CASP5: variants seen among roughly 807,000 people sequenced by gnomAD.
CASP5 encodes the protein caspase 5.
CASP5 carries 42 observed loss-of-function variants against 45.2 expected under a neutral mutation model. The observed-to-expected ratio is 0.93, with a 90% CI of 0.73 to 1.20. The LOEUF (loss-of-function observed/expected upper bound fraction) is 1.20. Ranked by LOEUF, CASP5 falls within the 50% of genes most tolerant of loss-of-function variation. The pLI, the probability that CASP5 is intolerant of heterozygous loss-of-function variation, is 0.00. For synonymous variants in CASP5, 209 were observed against 186.2 expected (o/e 1.12, Z -1.00); for missense variants, 512 against 532.2 (o/e 0.96, Z 0.37).
intron 1 of CASP5, among the ~76,000 whole-genome samples, chr11:105,021,140 C>A (rs1862936645): frequency 6.6e-6 from 1 of 151,720 alleles, no homozygotes; most frequent in Non-Finnish European, 1.5e-5. Context: ...CTTCCTTACA[C>A]CTTATACAAA....
intron 6 of CASP5, among the ~76,000 whole-genome samples, chr11:104,999,783 GGA>G (rs1459999855): frequency 6.6e-6 from 1 of 152,092 alleles, no homozygotes; most frequent in Non-Finnish European, 1.5e-5. Flanking sequence ...ATAAAAAGAG[GGA>G]GAGAGAAGAT....
At chr11:105,018,946 A>G (rs1328880075) in intron 1 of CASP5, among the ~76,000 whole-genome samples, 1 of 150,986 alleles carries the variant, frequency 6.6e-6, no homozygotes, top group African/African-American at 2.4e-5. Flanking sequence ...AGAAATTATA[A>G]CAAACTATCT....
chr11:105,022,331 A>T (rs55851817), intron 1 of CASP5, among the ~76,000 whole-genome samples: 8,654 of 151,946 alleles, frequency 0.057, 244 homozygotes, highest in African/African-American at 0.064. Context: ...AAATAAATTA[A>T]AGAAAAAAAA....
chr11:105,005,744 T>C (rs926767730), intron 3 of CASP5, among the ~76,000 whole-genome samples: 1 of 152,184 alleles, frequency 6.6e-6, no homozygotes, highest in Non-Finnish European at 1.5e-5. Flanking sequence ...ATATCTGGGA[T>C]TGCTAAAATC....
At chr11:104,998,398 T>G (rs1224895457) in intron 7 of CASP5, among the ~76,000 whole-genome samples, 11 of 152,176 alleles carry the variant, frequency 7.2e-5, no homozygotes, top group African/African-American at 1.4e-4. Context: ...ACCCTAACAT[T>G]TCTTACCTTT....
At chr11:105,015,250 C>T (rs1862531150) in intron 1 of CASP5, among the ~76,000 whole-genome samples, 1 of 152,140 alleles carries the variant, frequency 6.6e-6, no homozygotes, top group Non-Finnish European at 1.5e-5. Context: ...AGACACCTTC[C>T]TCAACTATAA....
At chr11:105,003,004 C>G (rs926217137) in intron 4 of CASP5, among the ~76,000 whole-genome samples, 3 of 150,890 alleles carry the variant, frequency 2.0e-5, no homozygotes, top group Admixed American at 1.3e-4. Flanking sequence ...GGAGAACAGA[C>G]TGGACAACAT....
intron 4 of CASP5, among the ~76,000 whole-genome samples, chr11:105,002,650 C>G (rs1043705910): frequency 6.6e-6 from 1 of 152,244 alleles, no homozygotes; most frequent in East Asian, 1.9e-4. Flanking sequence ...TATGTCTAGG[C>G]TTTTCAACTG....
intron 1 of CASP5, among the ~76,000 whole-genome samples, chr11:105,022,314 A>T (rs1205571451): frequency 2.0e-5 from 3 of 151,962 alleles, no homozygotes; most frequent in African/African-American, 7.2e-5. Context: ...GTATAATAAT[A>T]ATAAATAAAT....
chr11:104,996,093 T>G (rs1861459338), intron 8 of CASP5, among the ~76,000 whole-genome samples: 1 of 152,212 alleles, frequency 6.6e-6, no homozygotes, highest in Non-Finnish European at 1.5e-5. Context: ...TTTCTCTATT[T>G]TCCATTTTTG....
chr11:104,995,651 A>AAAGAACAC (rs1169464563), intron 9 of CASP5, 89 bp downstream of exon 9: 6 of 779,382 alleles, frequency 7.7e-6, no homozygotes, highest in Non-Finnish European at 1.3e-5. Context: ...ACTTGACCAT[A>AAAGAACAC]TAAGCAGTCA....
intron 1 of CASP5, among the ~76,000 whole-genome samples, chr11:105,017,359 G>A (rs138083941): frequency 0.057 from 8,691 of 152,208 alleles, 245 homozygotes; most frequent in African/African-American, 0.064. Flanking sequence ...AAATTACTCC[G>A]AGCTACGGGA....
chr11:104,996,913 C>A (rs1271257836), intron 8 of CASP5, among the ~76,000 whole-genome samples: 1 of 152,026 alleles, frequency 6.6e-6, no homozygotes, highest in African/African-American at 2.4e-5. Flanking sequence ...CTGTTACATG[C>A]CTTTATGAAT....
chr11:105,018,524 A>T (rs939651629), intron 1 of CASP5, among the ~76,000 whole-genome samples: 6 of 148,482 alleles, frequency 4.0e-5, no homozygotes, highest in Non-Finnish European at 7.5e-5. Context: ...GATAAAACAG[A>T]CTTTAAACCA....
chr11:104,995,595 A>G (rs1861425072), intron 9 of CASP5, 145 bp downstream of exon 9: 4 of 515,674 alleles, frequency 7.8e-6, no homozygotes, highest in Non-Finnish European at 1.4e-5. Flanking sequence ...GTAGAATAAA[A>G]AAGAGCAAAT....
intron 1 of CASP5, among the ~76,000 whole-genome samples, chr11:105,016,908 C>T (rs1401081889): frequency 6.6e-6 from 1 of 151,652 alleles, no homozygotes; most frequent in East Asian, 1.9e-4. Flanking sequence ...ATGTCCCTGT[C>T]TGACAGCTTT....
chr11:105,005,536 C>T (rs747788167), intron 3 of CASP5, among the ~76,000 whole-genome samples: 6 of 152,088 alleles, frequency 3.9e-5, no homozygotes, highest in Non-Finnish European at 5.9e-5. Context: ...ATAGCCCAGC[C>T]CACCCAGCTT....
intron 8 of CASP5, among the ~76,000 whole-genome samples, chr11:104,996,141 A>T (rs1006135438): frequency 6.6e-6 from 1 of 152,130 alleles, no homozygotes; most frequent in Non-Finnish European, 1.5e-5. Context: ...ATCCTTTGGG[A>T]TATGCTCATG....
intron 7 of CASP5, among the ~76,000 whole-genome samples, chr11:104,997,899 T>C (rs1374022279): frequency 1.3e-5 from 2 of 152,182 alleles, no homozygotes; most frequent in Non-Finnish European, 2.9e-5. Flanking sequence ...GCTCCAAGAT[T>C]GTTTACAGAT....
Sources: gnomAD v4.1 joint callset for allele counts (sites outside exome capture counted in the v4.1 genomes callset) on GRCh38, gnomAD v4.1.1 for gene constraint, MANE v1.5 for transcripts, NCBI Gene and HGNC (gene_info 2026-07-23, HGNC 2026-07-21) for gene names.